Variants in PCDH15 observed in about 807,000 individuals in gnomAD.
The protein encoded by PCDH15 is protocadherin related 15.
A neutral mutation model predicts 178.5 loss-of-function variants in PCDH15; 129 were observed. That is an observed-to-expected ratio of 0.72 (90% CI 0.63 to 0.84). PCDH15 has a LOEUF of 0.84. Ranked by LOEUF, PCDH15 falls within the 40% of genes least tolerant of loss-of-function variation. The pLI is 0.00. For synonymous variants in PCDH15, 800 were observed against 732.0 expected, an observed-to-expected ratio of 1.09 and a Z score of -1.50; for missense variants, 2,230 against 2,099.9, an observed-to-expected ratio of 1.06 and a Z score of -1.21.
intron 2 of PCDH15, among the ~76,000 whole-genome samples, chr10:54,588,647 A>G (rs1262020304): frequency 8.4e-6 from 1 of 119,494 alleles, no homozygotes; most frequent in Non-Finnish European, 1.7e-5. Context: ...GCATGATCAC[A>G]GCTCCATGCA....
intron 2 of PCDH15, among the ~76,000 whole-genome samples, chr10:54,577,495 A>T (rs540728691): frequency 2.0e-5 from 3 of 152,076 alleles, no homozygotes; most frequent in Non-Finnish European, 2.9e-5. Context: ...CTGTTCTCAC[A>T]TTAAGAAATC....
At chr10:54,750,301 G>C (rs1030737106) in intron 1 of PCDH15, among the ~76,000 whole-genome samples, 1 of 38,712 alleles carries the variant, frequency 2.6e-5, no homozygotes, top group African/African-American at 8.5e-5. Context: ...AATTAAAATT[G>C]TTAGTTTATC....
chr10:55,607,154 T>C (rs1374039096), intron 2 of PCDH15, among the ~76,000 whole-genome samples: 44 of 150,610 alleles, frequency 2.9e-4, no homozygotes, highest in Admixed American at 2.0e-3. Flanking sequence ...AAAATGCTCA[T>C]CATCACTGGC....
rs570841988 is a variant in PCDH15, at chr10:54,515,846, C to T, written c.157+11966G>A. Reference sequence around the variant, plus strand: ...TGAAAATCTGCTGTTCTACAGCCACCGCTGTTCTGCAGCCACTGCTGCTGA... The same window carrying T: ...TGAAAATCTGCTGTTCTACAGCCACTGCTGTTCTGCAGCCACTGCTGCTGA... On this transcript the variant is annotated intron_variant, in intron 3 of 37. Transcript: ENST00000644397. Among the ~76,000 whole-genome samples, 40 of 152,272 alleles carry T rather than the reference C, an allele frequency of 2.6e-4. No homozygotes were observed. The South Asian group carries it at 3.3e-3, about 13-fold the overall frequency.
chr10:54,590,429 C>T (rs1371521713), intron 2 of PCDH15, among the ~76,000 whole-genome samples: 4 of 152,104 alleles, frequency 2.6e-5, no homozygotes, highest in Non-Finnish European at 5.9e-5. Context: ...TAATTTTCTG[C>T]GTTCCATCAT....
intron 23 of PCDH15, among the ~76,000 whole-genome samples, chr10:53,954,344 A>G (rs116014442): frequency 1.6e-3 from 238 of 152,292 alleles, no homozygotes; most frequent in African/African-American, 5.0e-3. Context: ...TGATAGGTCT[A>G]TTGTTATATT....
At chr10:54,520,374 AC>A (rs1468766855) in intron 3 of PCDH15, among the ~76,000 whole-genome samples, 2 of 152,186 alleles carry the variant, frequency 1.3e-5, no homozygotes, top group Non-Finnish European at 2.9e-5. Context: ...CAAGAAAAAA[AC>A]AAACAACCCC....
At chr10:55,208,449 C>G (rs908296633) in intron 1 of PCDH15, among the ~76,000 whole-genome samples, 2 of 152,018 alleles carry the variant, frequency 1.3e-5, no homozygotes, top group African/African-American at 4.8e-5. Context: ...CACCTCCCCC[C>G]ACATACTCTA....
At chr10:54,934,783 T>A (rs531027382) in intron 2 of PCDH15, among the ~76,000 whole-genome samples, 1 of 151,804 alleles carries the variant, frequency 6.6e-6, no homozygotes, top group Non-Finnish European at 1.5e-5. Flanking sequence ...TGCACACGTA[T>A]GTTTATTGCG....
chr10:53,977,064 C>T (rs1484730749), intron 21 of PCDH15, among the ~76,000 whole-genome samples: 1 of 151,920 alleles, frequency 6.6e-6, no homozygotes, highest in African/African-American at 2.4e-5. Flanking sequence ...AGTTACATTT[C>T]TTCTCTGCAA....
intron 1 of PCDH15, among the ~76,000 whole-genome samples, chr10:54,727,906 C>T (rs1445086135): frequency 6.6e-6 from 1 of 151,280 alleles, no homozygotes; most frequent in Non-Finnish European, 1.5e-5. Context: ...ACCCTGAATA[C>T]AGCATTAATG....
At chr10:54,230,564 C>T (rs2053953201) in intron 9 of PCDH15, among the ~76,000 whole-genome samples, 1 of 152,048 alleles carries the variant, frequency 6.6e-6, no homozygotes, top group African/African-American at 2.4e-5. Flanking sequence ...GTGTTTTTCT[C>T]TTCACATTTC....
At chr10:53,905,884 T>C (rs921768618) in intron 25 of PCDH15, among the ~76,000 whole-genome samples, 1 of 151,902 alleles carries the variant, frequency 6.6e-6, no homozygotes, top group Non-Finnish European at 1.5e-5. Context: ...ATGATATTTA[T>C]TTATATGAAA....
chr10:54,760,998 T>A (rs1415622304), intron 1 of PCDH15, among the ~76,000 whole-genome samples: 1 of 152,140 alleles, frequency 6.6e-6, no homozygotes, highest in East Asian at 1.9e-4. Context: ...CGAATCAATA[T>A]AACTGGTAGT....
At chr10:54,515,807 G>C (rs1483166045) in intron 3 of PCDH15, among the ~76,000 whole-genome samples, 2 of 152,214 alleles carry the variant, frequency 1.3e-5, no homozygotes, top group Non-Finnish European at 2.9e-5. Flanking sequence ...TCAGGCAGCA[G>C]CATTTGCAGT....
intron 2 of PCDH15, among the ~76,000 whole-genome samples, chr10:55,397,224 A>G (rs892048498): frequency 6.6e-6 from 1 of 152,186 alleles, no homozygotes; most frequent in African/African-American, 2.4e-5. Flanking sequence ...TTGAGGGACA[A>G]TTGAATAATC....
At position 54,222,981 on chromosome 10, in the gene PCDH15, A is replaced by T. The variant is rs371284867; in HGVS notation, c.986-8933T>A. On this transcript the variant is annotated intron_variant, in intron 9 of 37. Coordinates refer to ENST00000644397, the MANE Select transcript of PCDH15 (RefSeq NM_001384140.1). Reference sequence around the variant, plus strand: ...TTACTTTGATGAAGTCAAATTTTAAATTTTTTCTTTTATAGATTTGCATTT... The same window carrying T: ...TTACTTTGATGAAGTCAAATTTTAATTTTTTTCTTTTATAGATTTGCATTT... Among the ~76,000 whole-genome samples the T allele has an allele frequency of 2.9e-3, 439 of 152,156 alleles. 2 individuals carry two copies. Among genetic ancestry groups the T allele is most frequent in the Non-Finnish European group, 4.8e-3 (324 of 68,024 alleles).
chr10:54,319,938 A>G (rs974326228), intron 7 of PCDH15, among the ~76,000 whole-genome samples: 3 of 152,014 alleles, frequency 2.0e-5, no homozygotes, highest in African/African-American at 4.8e-5. Context: ...TGTCAGTACA[A>G]CCTTGTCTAG....
intron 1 of PCDH15, among the ~76,000 whole-genome samples, chr10:54,759,953 A>G (rs1007853344): frequency 2.0e-5 from 3 of 152,114 alleles, no homozygotes; most frequent in African/African-American, 7.2e-5. Context: ...TGCACCCTTT[A>G]TTTCATGACC....
Sources: gnomAD v4.1 joint callset for allele counts (sites outside exome capture counted in the v4.1 genomes callset) on GRCh38, gnomAD v4.1.1 for gene constraint, MANE v1.5 for transcripts, NCBI Gene and HGNC (gene_info 2026-07-23, HGNC 2026-07-21) for gene names.